CNTNAP3B: variants seen among roughly 807,000 people sequenced by gnomAD.
The protein encoded by CNTNAP3B is contactin associated protein family member 3B.
CNTNAP3B carries 25 observed loss-of-function variants against 108.9 expected under a neutral mutation model. The ratio of observed to expected loss-of-function variants is 0.23; its 90% CI spans 0.17 to 0.32. CNTNAP3B has a LOEUF of 0.32. CNTNAP3B is among the 10% of genes least tolerant of loss of function. The pLI is 1.00. For synonymous variants in CNTNAP3B, 103 were observed against 473.4 expected, an observed-to-expected ratio of 0.22 and a Z score of 10.16; for missense variants, 252 against 1,210.4, an observed-to-expected ratio of 0.21 and a Z score of 11.75.
chr9:41,968,946 G>A (rs1320021300), intron 10 of CNTNAP3B, among the ~76,000 whole-genome samples: 565 of 151,732 alleles, frequency 3.7e-3, no homozygotes, highest in African/African-American at 0.013. Context: ...ACAGGCGCCC[G>A]CCACCATGCC....
Position 41,953,255 on chromosome 9 carries a change from C to G in CNTNAP3B, c.2008G>C (p.Val670Leu). The change falls in exon 13 of 24, where the codon GTG (valine) becomes CTG (leucine). Residue 670 changes from valine to leucine, a missense_variant. Physicochemically the swap from Val to Leu is conservative, Grantham distance 32 (BLOSUM62 1). Coordinates refer to ENST00000377561, the MANE Select transcript of CNTNAP3B (RefSeq NM_001201380.3). ...AAGAGQLRAAVNLAERCEQRL... is the reference protein window; with the variant it reads ...AAGAGQLRAALNLAERCEQRL... ...TGCTCGCAGCGCTCCGCCAGGTTCA[C>G]CGCGGCCCGCAGCTGCCCCGCGCCC... The G allele has an allele frequency of 6.6e-7, 1 of 1,526,304 alleles. No individual in the cohort carries two copies. The highest frequency in any genetic ancestry group is 8.7e-7 in the Non-Finnish European group (1 of 1,144,964). 94.5% of individuals were successfully genotyped at this position (1,526,304 alleles called of 1,614,324 possible).
intron 2 of CNTNAP3B, among the ~76,000 whole-genome samples, chr9:42,094,491 CA>C (rs1267929113): frequency 3.1e-5 from 4 of 128,972 alleles, no homozygotes; most frequent in African/African-American, 1.3e-4. Flanking sequence ...CCCATCTTTA[CA>C]AAAAATATAA....
chr9:42,044,273 T>C (rs1826822502), intron 3 of CNTNAP3B, among the ~76,000 whole-genome samples: 1 of 151,404 alleles, frequency 6.6e-6, no homozygotes, highest in Non-Finnish European at 1.5e-5. Flanking sequence ...CACAGGTGTG[T>C]ATGTATAAGA....
rs1564178821 is a variant in CNTNAP3B, at chr9:42,034,180, A to ATC, written c.391-20656_391-20655insGA. On this transcript the variant is annotated intron_variant, in intron 3 of 23. Transcript: ENST00000377561. ...CCTATTTATCTATATGTATGTATGT[A>ATC]TATATGTATCTATCTATCTATCTAT... Among the ~76,000 whole-genome samples, 80 of 124,664 alleles carry ATC rather than the reference A, an allele frequency of 6.4e-4. 9 individuals are homozygous for ATC. The highest frequency in any genetic ancestry group is 2.3e-3 in the African/African-American group (70 of 29,806). 81.8% of individuals were successfully genotyped at this position (124,664 alleles called of 152,430 possible). A position where few individuals can be genotyped will look rare whatever the true frequency, so the allele number is the denominator to read the frequency against.
rs1587286390 is a variant in CNTNAP3B at position 42,118,515 on chromosome 9, T to C, written c.85+10495A>G. Among the ~76,000 whole-genome samples, 5 of 134,022 alleles carry C rather than the reference T, an allele frequency of 3.7e-5. No homozygotes were observed. The South Asian group carries it at 1.2e-3, about 33-fold the overall frequency. 87.9% of individuals were successfully genotyped at this position (134,022 alleles called of 152,430 possible). ...AAACTCTCAACAAATTAGGTATTGA[T>C]GGCACCTATCTCAAAATAATAAGAG... On this transcript the variant is annotated intron_variant, in intron 1 of 23. Transcript: ENST00000377561.
rs1393422469 is a variant in CNTNAP3B, at chr9:42,085,174, T to A, written c.197-8112A>T. 2.6e-5 allele frequency among the ~76,000 whole-genome samples: 4 copies of A among 151,738 alleles called. No individual in the cohort carries two copies. In the East Asian group the frequency reaches 7.7e-4, roughly 29 times the overall value. ...AATTATTTTGAAATACAGCTTCACA[T>A]GAATTGGCAAAGACAGTACAGAGAA... is the stretch of plus-strand genomic sequence containing the variant. On this transcript the variant is annotated intron_variant, in intron 2 of 23. Coordinates refer to ENST00000377561, the MANE Select transcript of CNTNAP3B (RefSeq NM_001201380.3).
rs557879743 is a variant in CNTNAP3B, at chr9:42,113,158, G to A, written c.86-8419C>T. On this transcript the variant is annotated intron_variant, in intron 1 of 23. Transcript: ENST00000377561. Reference sequence around the variant, plus strand: ...AACATGTGGAGAGATGAAGGAGATGGGATGGGAAAATCTGCATATGAGAAG... The same window carrying A: ...AACATGTGGAGAGATGAAGGAGATGAGATGGGAAAATCTGCATATGAGAAG... Among the ~76,000 whole-genome samples, 10 of 135,070 alleles carry A rather than the reference G, an allele frequency of 7.4e-5. 1 individual carries two copies. Among genetic ancestry groups the A allele is most frequent in the East Asian group, 4.5e-4 (2 of 4,430 alleles). The allele number at this position is 135,070 out of a possible 152,430, so 88.6% of individuals were successfully genotyped here.
chr9:41,983,975 G>A (rs1365277542), intron 9 of CNTNAP3B, among the ~76,000 whole-genome samples: 1 of 99,436 alleles, frequency 1.0e-5, no homozygotes, highest in Admixed American at 1.1e-4. Context: ...GCGTGAACCT[G>A]GCGGTGCAGA....
rs1368839651 is a variant in CNTNAP3B, at chr9:41,915,629, A to G, written c.2995+4441T>C. On this transcript the variant is annotated intron_variant, in intron 18 of 23. Coordinates refer to ENST00000377561, the MANE Select transcript of CNTNAP3B (RefSeq NM_001201380.3). Reference sequence around the variant, plus strand: ...GTTTTTCATATATGGCGTTTATCATATTGAGAAAGTTCCCTTCTATTCCTA... The same window carrying G: ...GTTTTTCATATATGGCGTTTATCATGTTGAGAAAGTTCCCTTCTATTCCTA... Among the ~76,000 whole-genome samples the G allele has an allele frequency of 2.2e-4, 31 of 142,334 alleles. 1 individual carries two copies. Among genetic ancestry groups the G allele is most frequent in the Middle Eastern group, 3.6e-3 (1 of 274 alleles). 93.4% of individuals were successfully genotyped at this position (142,334 alleles called of 152,430 possible).
In CNTNAP3B at chr9:42,097,582, T is replaced by C. The variant is rs557499384; in HGVS notation, c.196+7047A>G. Among the ~76,000 whole-genome samples the C allele has an allele frequency of 2.4e-4, 34 of 140,284 alleles. 7 individuals are homozygous for C. The highest frequency in any genetic ancestry group is 2.3e-3 in the Admixed American group (33 of 14,120). The allele number at this position is 140,284 out of a possible 152,430, so 92.0% of individuals were successfully genotyped here. On this transcript the variant is annotated intron_variant, in intron 2 of 23. Coordinates refer to ENST00000377561, the MANE Select transcript of CNTNAP3B (RefSeq NM_001201380.3). Reference sequence around the variant, plus strand: ...GCTAAGTACAAATCTAAAAAAATAATTACGTACTTCAAAAACTAAAAATGC... The same window carrying C: ...GCTAAGTACAAATCTAAAAAAATAACTACGTACTTCAAAAACTAAAAATGC...
At chr9:42,067,989 A>G (rs1180102410) in intron 3 of CNTNAP3B, among the ~76,000 whole-genome samples, 2 of 138,480 alleles carry the variant, frequency 1.4e-5, no homozygotes, top group East Asian at 4.3e-4. Context: ...ATTTATCACT[A>G]TAGCCAAAGT....
chr9:41,941,461 TA>T (rs1172176364), intron 13 of CNTNAP3B, among the ~76,000 whole-genome samples: 253 of 150,838 alleles, frequency 1.7e-3, no homozygotes, highest in African/African-American at 5.3e-3. Context: ...CATAATGATT[TA>T]AAAAAAAATC....
intron 14 of CNTNAP3B, among the ~76,000 whole-genome samples, chr9:41,934,581 T>C (rs1342033953): frequency 6.6e-6 from 1 of 152,288 alleles, no homozygotes; most frequent in East Asian, 1.9e-4. Context: ...ATCTTTCTAG[T>C]GAGTTTATCT....
chr9:41,953,836 G>A (rs1824774799), intron 12 of CNTNAP3B, among the ~76,000 whole-genome samples: 1 of 152,048 alleles, frequency 6.6e-6, no homozygotes, highest in African/African-American at 2.4e-5. Context: ...ATGATAGGAA[G>A]CAGCTCTATT....
chr9:42,045,845 T>C (rs1826863165), intron 3 of CNTNAP3B, among the ~76,000 whole-genome samples: 1 of 119,110 alleles, frequency 8.4e-6, no homozygotes, highest in African/African-American at 3.4e-5. Context: ...CAGACTTTCC[T>C]GTCACTGAAC....
At chr9:42,045,784 A>C (rs867383662) in intron 3 of CNTNAP3B, among the ~76,000 whole-genome samples, 120 of 140,760 alleles carry the variant, frequency 8.5e-4, no homozygotes, top group African/African-American at 3.0e-3. Context: ...TTGAAGATTC[A>C]GTTAAACACA....
At position 41,964,564 on chromosome 9, in the gene CNTNAP3B, C is replaced by T. The variant is rs751500057; in HGVS notation, c.1730G>A (p.Gly577Asp). ...GGAATGGCAGGTCTCGCCCGTATAG[C>T]CTGTGCCTAGACAGTCACAGGAGAA... ...DTFSCDCLGT[G>D]YTGETCHSSL... Residue 577 changes from glycine to aspartate, a missense_variant, in exon 11 of 24, where the codon GGC (glycine) becomes GAC (aspartate). Transcript: ENST00000377561. 9 of 1,548,650 alleles carry T rather than the reference C, an allele frequency of 5.8e-6. No homozygotes were observed. In the South Asian group the frequency reaches 9.6e-5, roughly 17 times the overall value.
chr9:41,917,179 T>C (rs1299310641), intron 18 of CNTNAP3B, among the ~76,000 whole-genome samples: 1 of 152,224 alleles, frequency 6.6e-6, no homozygotes, highest in Non-Finnish European at 1.5e-5. Flanking sequence ...GTGTGCTTAG[T>C]TATGTCTGAT....
At chr9:41,934,130 C>CACATATATATACACAT in intron 14 of CNTNAP3B, among the ~76,000 whole-genome samples, 1 of 116,500 alleles carries the variant, frequency 8.6e-6, no homozygotes, top group Non-Finnish European at 1.8e-5. Flanking sequence ...TATACACACA[C>CACATATATATACACAT]ATATATATAT....
Sources: gnomAD v4.1 joint callset for allele counts (sites outside exome capture counted in the v4.1 genomes callset) on GRCh38, gnomAD v4.1.1 for gene constraint, MANE v1.5 for transcripts, NCBI Gene and HGNC (gene_info 2026-07-23, HGNC 2026-07-21) for gene names.